Variants in CDK19 observed in about 807,000 individuals in gnomAD.
The protein encoded by CDK19 is cyclin-dependent kinase 19.
In CDK19, 20 loss-of-function variants were observed where a neutral mutation model predicts 68.3. That is an observed-to-expected ratio of 0.29 (90% CI 0.21 to 0.43). CDK19 has a LOEUF of 0.43. Among genes scored for constraint, CDK19 ranks in the 20% least tolerant of loss-of-function variants. The probability of loss-of-function intolerance (pLI) is 1.00; values close to 1 mark genes in which losing one functional copy is unlikely to be tolerated. For missense variants in CDK19, 339 were observed against 623.5 expected (o/e 0.54, Z 4.86); for synonymous variants, 221 against 222.8 (o/e 0.99, Z 0.07).
intron 1 of CDK19, among the ~76,000 whole-genome samples, chr6:110,759,418 A>T (rs1385683524): frequency 1.7e-3 from 195 of 114,528 alleles, no homozygotes; most frequent in African/African-American, 7.5e-3. Context: ...AAAAAAAAAA[A>T]AAAAAAAAAA....
intron 4 of CDK19, among the ~76,000 whole-genome samples, chr6:110,654,866 GGGAGGT>G (rs1271807148): frequency 7.9e-5 from 12 of 151,488 alleles, no homozygotes; most frequent in Admixed American, 3.3e-4. Context: ...ACTTGAACCC[GGGAGGT>G]GGAGGTTATG....
At chr6:110,650,722 G>C (rs1405857193) in intron 4 of CDK19, among the ~76,000 whole-genome samples, 1 of 152,138 alleles carries the variant, frequency 6.6e-6, no homozygotes, top group Non-Finnish European at 1.5e-5. Flanking sequence ...CAAAACGGGG[G>C]ATATCTGGAG....
chr6:110,766,296 C>G (rs1490182461), intron 1 of CDK19, among the ~76,000 whole-genome samples: 2 of 151,780 alleles, frequency 1.3e-5, no homozygotes, highest in African/African-American at 2.4e-5. Flanking sequence ...ATTTGCAGGC[C>G]AGGCATGGTG....
chr6:110,657,685 T>A (rs543820169), intron 4 of CDK19, among the ~76,000 whole-genome samples: 1 of 152,352 alleles, frequency 6.6e-6, no homozygotes, highest in East Asian at 1.9e-4. Context: ...ACCCTCTTAG[T>A]GACCTTGAAG....
intron 4 of CDK19, among the ~76,000 whole-genome samples, chr6:110,652,202 G>T (rs1445286373): frequency 6.6e-6 from 1 of 152,016 alleles, no homozygotes; most frequent in Non-Finnish European, 1.5e-5. Flanking sequence ...AGAAAACAAA[G>T]GTAAGAAAAC....
At chr6:110,814,626 C>T (rs1467646104) in intron 1 of CDK19, 1 of 475,554 alleles carries the variant, frequency 2.1e-6, no homozygotes, top group South Asian at 1.5e-5. Flanking sequence ...CGTCACTACC[C>T]AGGGCCGGAG....
In CDK19 at chr6:110,774,035, A is replaced by C. The variant is rs537280842; in HGVS notation, c.129-27834T>G. On this transcript the variant is annotated intron_variant, in intron 1 of 12. Coordinates refer to ENST00000368911, the MANE Select transcript of CDK19 (RefSeq NM_015076.5). ...TGCCAAATGCCTATCACAAGTCTACATATCTGCCAAGGAACTCAGATTTTA... is the reference window on the plus strand; with the variant it reads ...TGCCAAATGCCTATCACAAGTCTACCTATCTGCCAAGGAACTCAGATTTTA... 1.1e-3 allele frequency: 169 copies of C among 152,342 alleles called. 1 individual carries two copies. Among genetic ancestry groups the C allele is most frequent in the African/African-American group, 4.0e-3 (165 of 41,578 alleles). 9.4% of individuals were successfully genotyped at this position (152,342 alleles called of 1,614,324 possible).
intron 1 of CDK19, chr6:110,813,577 G>C (rs904119302): frequency 1.3e-5 from 2 of 151,744 alleles, no homozygotes; most frequent in Non-Finnish European, 2.9e-5. Context: ...GTAATTAAAG[G>C]AATTATGAGA....
intron 1 of CDK19, among the ~76,000 whole-genome samples, chr6:110,765,959 A>G (rs929614442): frequency 1.3e-4 from 20 of 152,176 alleles, no homozygotes; most frequent in African/African-American, 4.8e-4. Context: ...AAATGTTGGC[A>G]AGGAGGCAGA....
intron 1 of CDK19, among the ~76,000 whole-genome samples, chr6:110,784,150 C>A (rs1339967537): frequency 2.8e-5 from 3 of 107,072 alleles, no homozygotes; most frequent in East Asian, 3.7e-4. Context: ...CAGAGCAAGA[C>A]TTCGTCTCAA....
intron 1 of CDK19, among the ~76,000 whole-genome samples, chr6:110,799,130 T>A (rs1213004531): frequency 2.9e-4 from 17 of 59,072 alleles, no homozygotes; most frequent in Admixed American, 5.1e-4. Flanking sequence ...GTGTTAAGAG[T>A]AAAACCCTGT....
At chr6:110,657,985 G>A (rs1781406910) in intron 4 of CDK19, among the ~76,000 whole-genome samples, 3 of 151,726 alleles carry the variant, frequency 2.0e-5, no homozygotes, top group African/African-American at 7.2e-5. Context: ...TATGAACTCA[G>A]ATGATGAAAA....
At chr6:110,622,016 T>C in intron 11 of CDK19, 72 bp downstream of exon 11, 1 of 789,700 alleles carries the variant, frequency 1.3e-6, no homozygotes, top group Non-Finnish European at 2.0e-6. Flanking sequence ...ATAGGAATTA[T>C]GGAACGATAC....
chr6:110,797,601 G>A (rs1782030154), intron 1 of CDK19, among the ~76,000 whole-genome samples: 2 of 152,308 alleles, frequency 1.3e-5, no homozygotes, highest in Middle Eastern at 3.4e-3. Flanking sequence ...AACAAACAAA[G>A]ACATTCTTCC....
intron 2 of CDK19, among the ~76,000 whole-genome samples, chr6:110,680,567 G>C (rs748419163): frequency 6.6e-6 from 1 of 152,048 alleles, no homozygotes; most frequent in Non-Finnish European, 1.5e-5. Context: ...AACAACAACA[G>C]TAAACAACCT....
At chr6:110,616,774 C>T (rs1040436347) in intron 12 of CDK19, among the ~76,000 whole-genome samples, 3 of 151,804 alleles carry the variant, frequency 2.0e-5, no homozygotes, top group African/African-American at 4.8e-5. Context: ...ATTTTAATTA[C>T]GTGTTTTATT....
At chr6:110,691,086 G>A (rs191455220) in intron 2 of CDK19, among the ~76,000 whole-genome samples, 5 of 152,132 alleles carry the variant, frequency 3.3e-5, no homozygotes, top group Admixed American at 1.3e-4. Context: ...AGCCACTCAA[G>A]GAGATTCCAG....
At chr6:110,726,328 G>C (rs1685958089) in intron 2 of CDK19, among the ~76,000 whole-genome samples, 1 of 152,150 alleles carries the variant, frequency 6.6e-6, no homozygotes, top group Admixed American at 6.6e-5. Context: ...CCAGGTCCTT[G>C]TCCCAGAAAA....
intron 1 of CDK19, among the ~76,000 whole-genome samples, chr6:110,807,536 T>C (rs1296608433): frequency 1.3e-5 from 2 of 152,180 alleles, no homozygotes; most frequent in Non-Finnish European, 2.9e-5. Flanking sequence ...ATTAGCTCAC[T>C]GCAGCTTCCA....
Sources: allele counts gnomAD v4.1 joint callset (sites outside exome capture counted in the v4.1 genomes callset), GRCh38; gene constraint gnomAD v4.1.1; transcripts MANE v1.5; gene names NCBI Gene and HGNC (gene_info 2026-07-23, HGNC 2026-07-21).